ODAD2: variants seen among roughly 807,000 people sequenced by gnomAD.
The protein encoded by ODAD2 is outer dynein arm-docking complex subunit 2.
Under a neutral mutation model 106.8 loss-of-function variants are expected in ODAD2, and 89 were observed. The ratio of observed to expected loss-of-function variants is 0.83; its 90% CI spans 0.70 to 0.99. ODAD2 has a LOEUF of 0.99. Ranked by LOEUF, ODAD2 falls within the 50% of genes least tolerant of loss-of-function variation. The pLI is 0.00. For missense variants in ODAD2, 1,168 were observed against 1,238.5 expected (o/e 0.94, Z 0.85); for synonymous variants, 404 against 436.2 (o/e 0.93, Z 0.92).
intron 19 of ODAD2, among the ~76,000 whole-genome samples, chr10:27,820,518 A>G (rs1836517033): frequency 6.6e-6 from 1 of 152,072 alleles, no homozygotes; most frequent in South Asian, 2.1e-4. Flanking sequence ...TGGAAACAGC[A>G]TCTCCTGTGT....
intron 19 of ODAD2, among the ~76,000 whole-genome samples, chr10:27,844,479 C>A (rs1010738699): frequency 2.0e-5 from 3 of 152,196 alleles, no homozygotes; most frequent in Admixed American, 6.5e-5. Context: ...GGAGTCCACA[C>A]ATATATGTGC....
intron 19 of ODAD2, among the ~76,000 whole-genome samples, chr10:27,818,194 T>G (rs1836288873): frequency 6.6e-6 from 1 of 151,950 alleles, no homozygotes; most frequent in Non-Finnish European, 1.5e-5. Context: ...TGCTTTCTGA[T>G]CTTTAAATTA....
chr10:27,931,254 T>C (rs1845598253), intron 16 of ODAD2, among the ~76,000 whole-genome samples: 1 of 152,222 alleles, frequency 6.6e-6, no homozygotes, highest in South Asian at 2.1e-4. Flanking sequence ...CAATAATTCA[T>C]AGCATTTTGC....
chr10:27,975,197 A>G (rs577201358), intron 7 of ODAD2, among the ~76,000 whole-genome samples: 1 of 152,320 alleles, frequency 6.6e-6, no homozygotes, highest in South Asian at 2.1e-4. Context: ...TTCACAACTG[A>G]ATTCCTCAAA....
At chr10:27,906,457 T>A (rs1374330852) in intron 17 of ODAD2, among the ~76,000 whole-genome samples, 1 of 152,160 alleles carries the variant, frequency 6.6e-6, no homozygotes, top group Non-Finnish European at 1.5e-5. Flanking sequence ...GTGTGGCGGT[T>A]CCTCAAGGAT....
At chr10:27,865,914 G>C (rs1048295911) in intron 17 of ODAD2, among the ~76,000 whole-genome samples, 1 of 152,162 alleles carries the variant, frequency 6.6e-6, no homozygotes, top group Non-Finnish European at 1.5e-5. Context: ...TGGTGGGCTG[G>C]TTCTCAATAG....
intron 14 of ODAD2, among the ~76,000 whole-genome samples, chr10:27,938,840 T>A (rs1003462287): frequency 1.3e-5 from 2 of 152,078 alleles, no homozygotes; most frequent in African/African-American, 4.8e-5. Flanking sequence ...CCTGAAGTGA[T>A]TCGCCCATCT....
chr10:27,864,584 A>AGCGAG (rs1840303946), intron 17 of ODAD2, among the ~76,000 whole-genome samples: 3 of 143,022 alleles, frequency 2.1e-5, no homozygotes, highest in Non-Finnish European at 3.0e-5. Context: ...GAGAATGGGG[A>AGCGAG]GTGAGGTGAG....
intron 17 of ODAD2, among the ~76,000 whole-genome samples, chr10:27,883,378 G>C (rs1281744970): frequency 6.6e-6 from 1 of 152,036 alleles, no homozygotes; most frequent in African/African-American, 2.4e-5. Flanking sequence ...ATAAACAATA[G>C]CAAAAGCAAC....
chr10:27,870,697 T>C (rs1005623913), intron 17 of ODAD2, among the ~76,000 whole-genome samples: 1 of 152,232 alleles, frequency 6.6e-6, no homozygotes, highest in Non-Finnish European at 1.5e-5. Context: ...TCCTTTTTTA[T>C]GGCTGCATAG....
At chr10:27,973,603 A>G (rs1403571204) in intron 7 of ODAD2, among the ~76,000 whole-genome samples, 1 of 152,072 alleles carries the variant, frequency 6.6e-6, no homozygotes, top group Non-Finnish European at 1.5e-5. Flanking sequence ...TTCTTCTTAA[A>G]AAGGACAGGA....
intron 11 of ODAD2, among the ~76,000 whole-genome samples, 183 bp from the exon 12 acceptor site, chr10:27,944,614 T>C (rs1199249041): frequency 2.0e-5 from 3 of 151,862 alleles, no homozygotes; most frequent in Non-Finnish European, 2.9e-5. Flanking sequence ...TCAGGAAGCA[T>C]GAGAGATGAA....
At chr10:27,920,234 A>G (rs1410002033) in intron 16 of ODAD2, among the ~76,000 whole-genome samples, 1 of 152,128 alleles carries the variant, frequency 6.6e-6, no homozygotes, top group Non-Finnish European at 1.5e-5. Context: ...CCCTTCCAAT[A>G]ATTTACTAAT....
At chr10:27,891,002 A>G (rs2133702539) in intron 17 of ODAD2, among the ~76,000 whole-genome samples, 1 of 152,322 alleles carries the variant, frequency 6.6e-6, no homozygotes, top group Non-Finnish European at 1.5e-5. Context: ...CGACAGCCCA[A>G]ACATGGCTAA....
chr10:27,978,027 A>G (rs943388757), intron 7 of ODAD2, among the ~76,000 whole-genome samples: 1 of 152,228 alleles, frequency 6.6e-6, no homozygotes, highest in Non-Finnish European at 1.5e-5. Flanking sequence ...GCACATTGAA[A>G]CTATATGATC....
chr10:27,844,588 C>A (rs190874153), intron 19 of ODAD2, among the ~76,000 whole-genome samples: 202 of 152,222 alleles, frequency 1.3e-3, no homozygotes, highest in African/African-American at 3.5e-3. Flanking sequence ...TGATTTGGGG[C>A]AAGTTATTTA....
At position 27,909,817 on chromosome 10, in the gene ODAD2, GAAAAAAAAAAAA is replaced by G. The variant is rs35449629; in HGVS notation, c.2496-2052_2496-2041del. Among the ~76,000 whole-genome samples the G allele has an allele frequency of 2.5e-4, 14 of 56,386 alleles. No individual in the cohort carries two copies. The East Asian group carries it at 4.7e-3, about 19-fold the overall frequency. 37.0% of individuals were successfully genotyped at this position (56,386 alleles called of 152,430 possible). Reference sequence around the variant, plus strand: ...TGGGCGACAAAGTGAGTCTTCATTTGAAAAAAAAAAAAAAAAAAAAAAAAAGACTCAGAACAC... The same window carrying G: ...TGGGCGACAAAGTGAGTCTTCATTTGAAAAAAAAAAAAAGACTCAGAACAC... On this transcript the variant is annotated intron_variant, in intron 16 of 19. Coordinates refer to ENST00000305242, the MANE Select transcript of ODAD2 (RefSeq NM_018076.5).
chr10:27,956,851 C>T lies in ODAD2; in HGVS notation c.1386+4717G>A, dbSNP rs569089782. On this transcript the variant is annotated intron_variant, in intron 10 of 19. Coordinates refer to ENST00000305242, the MANE Select transcript of ODAD2 (RefSeq NM_018076.5). Reference sequence around the variant, plus strand: ...TATGACCTTTCAACATTTTACCCCACTCTACTGAAGAATACCCATTTGCAT... The same window carrying T: ...TATGACCTTTCAACATTTTACCCCATTCTACTGAAGAATACCCATTTGCAT... 5.9e-5 allele frequency among the ~76,000 whole-genome samples: 9 copies of T among 152,306 alleles called. No individual in the cohort carries two copies. The South Asian group carries it at 1.9e-3, about 32-fold the overall frequency.
intron 17 of ODAD2, among the ~76,000 whole-genome samples, chr10:27,864,093 G>A (rs1840263294): frequency 6.6e-6 from 1 of 151,918 alleles, no homozygotes; most frequent in Non-Finnish European, 1.5e-5. Context: ...AATGGTATAG[G>A]GAACACAGGG....
Sources: gnomAD v4.1 joint callset for allele counts (sites outside exome capture counted in the v4.1 genomes callset) on GRCh38, gnomAD v4.1.1 for gene constraint, MANE v1.5 for transcripts, NCBI Gene and HGNC (gene_info 2026-07-23, HGNC 2026-07-21) for gene names.